NUBPL: variants seen among roughly 807,000 people sequenced by gnomAD.
The protein encoded by NUBPL is iron-sulfur cluster transfer protein NUBPL.
In NUBPL, 31 loss-of-function variants were observed where a neutral mutation model predicts 45.7. That is an observed-to-expected ratio of 0.68 (90% CI 0.51 to 0.92). The LOEUF (loss-of-function observed/expected upper bound fraction) is 0.92, where lower values mean the gene tolerates loss of function less well. Among genes scored for constraint, NUBPL ranks in the 40% least tolerant of loss-of-function variants. NUBPL has a pLI of 0.00. For missense variants in NUBPL, 401 were observed against 398.7 expected (o/e 1.01, Z -0.05); for synonymous variants, 144 against 140.9 (o/e 1.02, Z -0.15).
intron 6 of NUBPL, among the ~76,000 whole-genome samples, chr14:31,734,867 T>C (rs565867806): frequency 1.2e-4 from 18 of 152,350 alleles, no homozygotes; most frequent in South Asian, 4.1e-4. Context: ...GTATGGTCTT[T>C]GTAGATCTGG....
At chr14:31,683,181 T>G (rs1205706694) in intron 6 of NUBPL, among the ~76,000 whole-genome samples, 1 of 151,824 alleles carries the variant, frequency 6.6e-6, no homozygotes, top group African/African-American at 2.4e-5. Context: ...AATTTCAACA[T>G]GAGGTTTAGA....
At chr14:31,653,410 A>G (rs1267159340) in intron 4 of NUBPL, among the ~76,000 whole-genome samples, 1 of 152,172 alleles carries the variant, frequency 6.6e-6, no homozygotes, top group Non-Finnish European at 1.5e-5. Context: ...CCCCCGAGGA[A>G]TGCAATTCTT....
At chr14:31,770,970 A>C (rs2038999019) in intron 6 of NUBPL, among the ~76,000 whole-genome samples, 1 of 152,212 alleles carries the variant, frequency 6.6e-6, no homozygotes, top group Non-Finnish European at 1.5e-5. Context: ...CTATTGAGTC[A>C]GTTTCAAAAA....
rs2039884016 is a variant in NUBPL at position 31,814,859 on chromosome 14, T to C, written c.608-11770T>C. On this transcript the variant is annotated intron_variant, in intron 7 of 10. Coordinates refer to ENST00000281081, the MANE Select transcript of NUBPL (RefSeq NM_025152.3). ...ATCAGATGGTTGTAGATGTATGGTGTTATTTCTGAGGCCTCTGTTCTGTTT... is the reference window on the plus strand; with the variant it reads ...ATCAGATGGTTGTAGATGTATGGTGCTATTTCTGAGGCCTCTGTTCTGTTT... 2.6e-5 allele frequency among the ~76,000 whole-genome samples: 4 copies of C among 152,284 alleles called. No homozygotes were observed. The South Asian group carries it at 8.3e-4, about 32-fold the overall frequency.
At chr14:31,689,844 A>T (rs895914482) in intron 6 of NUBPL, among the ~76,000 whole-genome samples, 1 of 152,044 alleles carries the variant, frequency 6.6e-6, no homozygotes, top group African/African-American at 2.4e-5. Context: ...TACATATCAT[A>T]TAAAGAAGGG....
At chr14:31,606,486 A>T (rs1020385572) in intron 4 of NUBPL, among the ~76,000 whole-genome samples, 12 of 152,162 alleles carry the variant, frequency 7.9e-5, no homozygotes, top group African/African-American at 2.7e-4. Context: ...CCTTCCAGAG[A>T]AGAGATCTAG....
intron 4 of NUBPL, among the ~76,000 whole-genome samples, chr14:31,646,841 C>T (rs1348202274): frequency 7.3e-6 from 1 of 136,450 alleles, no homozygotes; most frequent in Non-Finnish European, 1.7e-5. Context: ...CAACACTTCT[C>T]AAATTTGTTT....
chr14:31,586,855 G>A (rs1212705248), intron 3 of NUBPL, among the ~76,000 whole-genome samples: 2 of 152,132 alleles, frequency 1.3e-5, no homozygotes, highest in African/African-American at 2.4e-5. Flanking sequence ...TTGAATCCAG[G>A]TTTGGGTAAT....
chr14:31,608,022 A>C (rs2034649122), intron 4 of NUBPL, among the ~76,000 whole-genome samples: 1 of 152,212 alleles, frequency 6.6e-6, no homozygotes. Context: ...CATACAATGG[A>C]GCTCCAGTAC....
At position 31,825,691 on chromosome 14, in the gene NUBPL, TC is replaced by T. The variant is rs2040088422; in HGVS notation, c.608-937del. On this transcript the variant is annotated intron_variant, in intron 7 of 10. Transcript: ENST00000281081. ...TTTTCTTTTTTTCTCTTTCTTTTGT[TC>T]TTTCTTCTTCATCTTCCTCTTTTTC... Among the ~76,000 whole-genome samples the T allele has an allele frequency of 2.7e-5, 4 of 148,954 alleles. No individual in the cohort carries two copies. In the South Asian group the frequency reaches 8.5e-4, roughly 32 times the overall value.
At chr14:31,581,125 TC>T (rs1244555890) in intron 3 of NUBPL, among the ~76,000 whole-genome samples, 1 of 151,996 alleles carries the variant, frequency 6.6e-6, no homozygotes, top group Non-Finnish European at 1.5e-5. Context: ...GTACATCTGT[TC>T]CAAAGATATT....
Position 31,574,374 on chromosome 14 carries a change from C to T in NUBPL, c.291+9326C>T, listed in dbSNP as rs111457405. On this transcript the variant is annotated intron_variant, in intron 3 of 10. Coordinates refer to ENST00000281081, the MANE Select transcript of NUBPL (RefSeq NM_025152.3). ...CTGTCTCCCGGGTTCAGGGGATTCT[C>T]GTACCTCAGCCTCCTGAGTAGCTGG... Among the ~76,000 whole-genome samples, 1,295 of 151,596 alleles carry T rather than the reference C, an allele frequency of 8.5e-3. 11 individuals carry two copies. Among genetic ancestry groups the T allele is most frequent in the Non-Finnish European group, 0.014 (981 of 67,924 alleles).
intron 10 of NUBPL, among the ~76,000 whole-genome samples, chr14:31,851,241 T>C (rs924823009): frequency 4.0e-5 from 6 of 151,774 alleles, no homozygotes; most frequent in Non-Finnish European, 7.4e-5. Context: ...TTTTCTTTTT[T>C]TTTTTTTTTC....
intron 6 of NUBPL, among the ~76,000 whole-genome samples, chr14:31,688,295 G>T (rs2037001919): frequency 6.6e-6 from 1 of 152,056 alleles, no homozygotes; most frequent in Non-Finnish European, 1.5e-5. Context: ...GTAAATCACT[G>T]GGCCAGGCGC....
intron 6 of NUBPL, among the ~76,000 whole-genome samples, chr14:31,729,286 C>CCG (rs1555332402): frequency 6.8e-6 from 1 of 146,376 alleles, no homozygotes; most frequent in African/African-American, 2.6e-5. Flanking sequence ...CCCCCCCCCC[C>CCG]CCAAAAAAAA....
In NUBPL at chr14:31,860,608, A is replaced by G. The variant is rs1049077228; in HGVS notation, c.*1428A>G. On this transcript the variant is annotated 3_prime_UTR_variant, in exon 11 of 11. Transcript: ENST00000281081. ...TGTCACTTTTGGCAAATGTCTTGAC[A>G]TCTGTTGCTCTACAGTTGTCAACTA... 1.3e-5 allele frequency: 2 copies of G among 152,222 alleles called. No individual in the cohort carries two copies. Among genetic ancestry groups the G allele is most frequent in the African/African-American group, 4.8e-5 (2 of 41,462 alleles). The allele number at this position is 152,222 out of a possible 1,614,324, so 9.4% of individuals were successfully genotyped here. A position where few individuals can be genotyped will look rare whatever the true frequency, so the allele number is the denominator to read the frequency against.
In NUBPL at chr14:31,598,079, C is replaced by G. The variant is rs1595344714; in HGVS notation, c.292-1210C>G. ...AAAATCAAGTATCCTTCCTATTTTTCTCATTTATTTTACATAAAGCTGAGA... is the reference window on the plus strand; with the variant it reads ...AAAATCAAGTATCCTTCCTATTTTTGTCATTTATTTTACATAAAGCTGAGA... On this transcript the variant is annotated intron_variant, in intron 3 of 10. Transcript: ENST00000281081. Among the ~76,000 whole-genome samples the G allele has an allele frequency of 3.9e-5, 6 of 152,054 alleles. No homozygotes were observed. In the South Asian group the frequency reaches 1.2e-3, roughly 32 times the overall value.
intron 6 of NUBPL, among the ~76,000 whole-genome samples, chr14:31,716,873 A>C (rs184764334): frequency 1.5e-3 from 225 of 152,222 alleles, no homozygotes; most frequent in Middle Eastern, 0.014. Context: ...CCCTTGACTC[A>C]TCCTTCTTTC....
At chr14:31,798,419 A>G (rs900097682) in intron 7 of NUBPL, among the ~76,000 whole-genome samples, 2 of 145,720 alleles carry the variant, frequency 1.4e-5, no homozygotes, top group Non-Finnish European at 3.0e-5. Context: ...GGCATTTGCT[A>G]TTTGATTACT....
Sources: allele counts gnomAD v4.1 joint callset (sites outside exome capture counted in the v4.1 genomes callset), GRCh38; gene constraint gnomAD v4.1.1; transcripts MANE v1.5; gene names NCBI Gene and HGNC (gene_info 2026-07-23, HGNC 2026-07-21).